The following UGT1A8 variants were observed in gnomAD, a reference collection of about 807,000 sequenced individuals.
UGT1A8 encodes the protein UDP-glucuronosyltransferase 1A8.
A neutral mutation model predicts 45.3 loss-of-function variants in UGT1A8; 39 were observed. The ratio of observed to expected loss-of-function variants is 0.86; its 90% CI spans 0.67 to 1.12. The LOEUF is 1.12. Ranked by LOEUF, UGT1A8 falls within the 50% of genes most tolerant of loss-of-function variation. The pLI is 0.00. For synonymous variants in UGT1A8, 275 were observed against 249.2 expected (o/e 1.10, Z -0.97); for missense variants, 719 against 664.9 (o/e 1.08, Z -0.90).
At chr2:233,752,737 C>A (rs1338142653) in intron 1 of UGT1A8, among the ~76,000 whole-genome samples, 1 of 152,024 alleles carries the variant, frequency 6.6e-6, no homozygotes. Flanking sequence ...AGAGAGAGAC[C>A]CTGTCTCTAA....
At chr2:233,693,720 G>A (rs1269709874) in intron 1 of UGT1A8, 1 of 1,614,108 alleles carries the variant, frequency 6.2e-7, no homozygotes, top group Non-Finnish European at 8.5e-7. Flanking sequence ...GTCCTCAAGA[G>A]AGATGTGGAT....
Position 233,718,873 on chromosome 2 carries a change from T to A in UGT1A8, c.856-48161T>A, listed in dbSNP as rs139927449. ...CCGCGGCTGGCCACAGGACTGCTGC[T>A]CCTCCTCAGTGTCCAGCCCTGGGCT... On this transcript the variant is annotated intron_variant, in intron 1 of 4. Transcript: ENST00000373450. 339 of 1,613,914 alleles carry A rather than the reference T, an allele frequency of 2.1e-4. 1 individual carries two copies. Among genetic ancestry groups the A allele is most frequent in the Non-Finnish European group, 8.0e-5 (94 of 1,179,916 alleles).
intron 1 of UGT1A8, chr2:233,755,045 G>C (rs745537470): frequency 7.5e-7 from 1 of 1,325,478 alleles, no homozygotes; most frequent in Non-Finnish European, 1.0e-6. Context: ...CTGCGCAGCC[G>C]CCCTCCGCCC....
intron 1 of UGT1A8, among the ~76,000 whole-genome samples, chr2:233,659,674 G>A (rs1051732962): frequency 1.3e-5 from 2 of 152,060 alleles, no homozygotes; most frequent in African/African-American, 4.8e-5. Flanking sequence ...TTAACTTAAT[G>A]GAAATACATC....
At chr2:233,740,833 TA>T (rs1691486291) in intron 1 of UGT1A8, 1 of 151,930 alleles carries the variant, frequency 6.6e-6, no homozygotes. Context: ...TGAGACATTT[TA>T]AAAGGAGATT....
At chr2:233,664,581 G>T (rs1367723272) in intron 1 of UGT1A8, among the ~76,000 whole-genome samples, 1 of 152,188 alleles carries the variant, frequency 6.6e-6, no homozygotes, top group African/African-American at 2.4e-5. Flanking sequence ...TGAAGCAGGA[G>T]CATGTCACAT....
Position 233,634,692 on chromosome 2 carries a change from T to G in UGT1A8, c.855+16130T>G, listed in dbSNP as rs372232490. Among the ~76,000 whole-genome samples the G allele has an allele frequency of 9.9e-5, 14 of 140,798 alleles. No homozygotes were observed. In the East Asian group the frequency reaches 2.6e-3, roughly 27 times the overall value. The allele number at this position is 140,798 out of a possible 152,430, so 92.4% of individuals were successfully genotyped here. On this transcript the variant is annotated intron_variant, in intron 1 of 4. Coordinates refer to ENST00000373450, the MANE Select transcript of UGT1A8 (RefSeq NM_019076.5). Reference sequence around the variant, plus strand: ...TCTATCCCTTTATTTTGAGCCTATATGTCTTTACACGTGAAATGGGTCTTC... The same window carrying G: ...TCTATCCCTTTATTTTGAGCCTATAGGTCTTTACACGTGAAATGGGTCTTC...
At chr2:233,685,760 A>G (rs1675138533) in intron 1 of UGT1A8, among the ~76,000 whole-genome samples, 2 of 152,342 alleles carry the variant, frequency 1.3e-5, no homozygotes, top group Admixed American at 6.5e-5. Context: ...TTTTAAAGAA[A>G]AATTTTGACT....
rs146146688 is a variant in UGT1A8 at position 233,719,081 on chromosome 2, G to T, written c.856-47953G>T. 1.8e-5 allele frequency: 29 copies of T among 1,614,132 alleles called. No individual in the cohort carries two copies. In the East Asian group the frequency reaches 3.3e-4, roughly 19 times the overall value. On this transcript the variant is annotated intron_variant, in intron 1 of 4. Transcript: ENST00000373450. ...CCTATGCTGTTCCATGGACCCAGAA[G>T]GAATTTGATCGCGTTACGCTGGGCT...
chr2:233,729,398 G>T, intron 1 of UGT1A8: 1 of 1,613,654 alleles, frequency 6.2e-7, no homozygotes. Flanking sequence ...GAATTTGATC[G>T]CCATGTGCTG....
At chr2:233,735,635 G>T (rs1575610162) in intron 1 of UGT1A8, among the ~76,000 whole-genome samples, 2 of 152,280 alleles carry the variant, frequency 1.3e-5, no homozygotes, top group East Asian at 3.9e-4. Flanking sequence ...GCATGTTTTT[G>T]CAGTGGCTGG....
chr2:233,744,768 G>A (rs116261344), intron 1 of UGT1A8, among the ~76,000 whole-genome samples: 5,132 of 151,930 alleles, frequency 0.034, 157 homozygotes, highest in African/African-American at 0.051. Context: ...TTTTAACTTT[G>A]CAAAATTCTC....
intron 1 of UGT1A8, among the ~76,000 whole-genome samples, chr2:233,650,881 T>C (rs1027503228): frequency 2.0e-5 from 3 of 152,226 alleles, no homozygotes; most frequent in African/African-American, 7.2e-5. Context: ...AATTGTTTGA[T>C]GATCCCTCAT....
chr2:233,667,897 G>A (rs1012554482), intron 1 of UGT1A8, among the ~76,000 whole-genome samples: 3 of 152,184 alleles, frequency 2.0e-5, no homozygotes, highest in Non-Finnish European at 4.4e-5. Flanking sequence ...TGCTGTAGAG[G>A]ATGTGGAGAA....
At chr2:233,677,536 A>G (rs941707495) in intron 1 of UGT1A8, among the ~76,000 whole-genome samples, 1 of 152,206 alleles carries the variant, frequency 6.6e-6, no homozygotes, top group African/African-American at 2.4e-5. Context: ...AGCTAGCTAG[A>G]GAAAAGAAAA....
chr2:233,671,573 C>CA (rs897589479), intron 1 of UGT1A8, among the ~76,000 whole-genome samples: 27 of 151,660 alleles, frequency 1.8e-4, no homozygotes, highest in African/African-American at 6.5e-4. Flanking sequence ...GGACAAATTC[C>CA]AAAAAAAATT....
chr2:233,743,050 C>G (rs577515653), intron 1 of UGT1A8: 2 of 317,988 alleles, frequency 6.3e-6, no homozygotes, highest in African/African-American at 2.2e-5. Flanking sequence ...CCGTGTAGTC[C>G]CAACGATAAG....
chr2:233,762,781 ATCTAC>A (rs1211615114), intron 1 of UGT1A8, among the ~76,000 whole-genome samples: 2 of 150,458 alleles, frequency 1.3e-5, no homozygotes, highest in African/African-American at 4.9e-5. Flanking sequence ...CTAGCTGATT[ATCTAC>A]TCATTACTCA....
intron 1 of UGT1A8, chr2:233,718,760 G>A (rs1384235813): frequency 3.7e-6 from 6 of 1,612,482 alleles, no homozygotes; most frequent in African/African-American, 1.3e-5. Flanking sequence ...TAAGGCGAAG[G>A]AAACAAATGT....
Sources: allele counts gnomAD v4.1 joint callset (sites outside exome capture counted in the v4.1 genomes callset), GRCh38; gene constraint gnomAD v4.1.1; transcripts MANE v1.5; gene names NCBI Gene and HGNC (gene_info 2026-07-23, HGNC 2026-07-21).